Variants in SNRNP48 observed in about 807,000 individuals in gnomAD.
The protein encoded by SNRNP48 is U11/U12 small nuclear ribonucleoprotein 48 kDa protein.
A neutral mutation model predicts 47.0 loss-of-function variants in SNRNP48; 43 were observed. The ratio of observed to expected loss-of-function variants is 0.92; its 90% CI spans 0.72 to 1.18. The LOEUF (loss-of-function observed/expected upper bound fraction) is 1.18, where lower values mean the gene tolerates loss of function less well. SNRNP48 is among the 50% of genes most tolerant of loss of function. SNRNP48 has a pLI of 0.00. For missense variants in SNRNP48, 396 were observed against 422.2 expected, an observed-to-expected ratio of 0.94 and a Z score of 0.54; for synonymous variants, 138 against 144.0, an observed-to-expected ratio of 0.96 and a Z score of 0.30.
rs1465519783 is a variant in SNRNP48 at position 7,595,026 on chromosome 6, G to A, written c.332-1G>A. On this transcript the variant is annotated splice_acceptor_variant, in intron 3 of 8. Transcript: ENST00000342415. LOFTEE classifies it high-confidence loss of function. ...TTTATGGATTTTTTTTTTTTTGACA[G>A]ATAAGGACTCACAATTCCAGATAAT... The A allele has an allele frequency of 6.3e-7, 1 of 1,585,156 alleles. No homozygotes were observed. Among genetic ancestry groups the A allele is most frequent in the African/African-American group, 1.4e-5 (1 of 72,680 alleles).
At chr6:7,601,252 G>A in intron 4 of SNRNP48, 84 bp from the exon 5 acceptor site, 1 of 1,109,408 alleles carries the variant, frequency 9.0e-7, no homozygotes, top group Non-Finnish European at 1.3e-6. Context: ...CATTATTAAA[G>A]CACATGTTTA....
chr6:7,600,250 A>ATACT, intron 4 of SNRNP48: 1 of 965,812 alleles, frequency 1.0e-6, no homozygotes, highest in Non-Finnish European at 1.2e-6. Flanking sequence ...GTAGACAAGT[A>ATACT]GTACCTCTTT....
At chr6:7,605,626 G>A (rs1260586859) in intron 7 of SNRNP48, 140 bp downstream of exon 7, 3 of 770,812 alleles carry the variant, frequency 3.9e-6, no homozygotes, top group African/African-American at 1.7e-5. Context: ...GTTTTTCGTT[G>A]TCAGTGCCCA....
chr6:7,594,288 T>C (rs1759867154), intron 3 of SNRNP48, 129 bp downstream of exon 3: 2 of 442,052 alleles, frequency 4.5e-6, no homozygotes, highest in Non-Finnish European at 8.1e-6. Flanking sequence ...TAAGAGAATG[T>C]AGAATTAATT....
Position 7,590,226 on chromosome 6 carries a change from G to C in SNRNP48, c.-32G>C, listed in dbSNP as rs1346274743. 3 of 1,284,526 alleles carry C rather than the reference G, an allele frequency of 2.3e-6. No homozygotes were observed. Among genetic ancestry groups the C allele is most frequent in the Non-Finnish European group, 3.0e-6 (3 of 1,008,286 alleles). The allele number at this position is 1,284,526 out of a possible 1,614,324, so 79.6% of individuals were successfully genotyped here. ...GGCCTGCGCGTGCGGTCTGCAGTTC[G>C]GCCGCTTCCTCTTGGCGGGTGGGCT... On this transcript the variant is annotated 5_prime_UTR_variant, in exon 1 of 9. Coordinates refer to ENST00000342415, the MANE Select transcript of SNRNP48 (RefSeq NM_152551.4).
At chr6:7,603,909 C>T (rs570546361) in intron 6 of SNRNP48, among the ~76,000 whole-genome samples, 1 of 152,110 alleles carries the variant, frequency 6.6e-6, no homozygotes, top group Non-Finnish European at 1.5e-5. Context: ...GCATTCTTTA[C>T]GGTTTTATAG....
Position 7,601,410 on chromosome 6 carries a change from C to T in SNRNP48, c.481C>T (p.Arg161Cys), listed in dbSNP as rs183544051. Reference sequence around the variant, plus strand: ...TGTTTGTGATCTAACTCAAGCTGATCGTCTTGCCCTCTATGATTTCGTAGT... The same window carrying T: ...TGTTTGTGATCTAACTCAAGCTGATTGTCTTGCCCTCTATGATTTCGTAGT... ...RFVCDLTQAD[R>C]LALYDFVVEE... Residue 161 changes from arginine (R) to cysteine (C), a missense_variant, in exon 5 of 9, where the codon CGT becomes TGT. Physicochemically the swap from Arg to Cys is radical, Grantham distance 180. Transcript: ENST00000342415. The T allele has an allele frequency of 3.8e-6, 6 of 1,598,906 alleles. No individual in the cohort carries two copies. The East Asian group carries it at 1.4e-4, about 36-fold the overall frequency.
intron 4 of SNRNP48, among the ~76,000 whole-genome samples, chr6:7,597,545 T>A (rs1759924979): frequency 1.3e-5 from 2 of 152,194 alleles, no homozygotes; most frequent in African/African-American, 4.8e-5. Context: ...GGAACAGAGA[T>A]AATGGATGCT....
chr6:7,602,021 T>C (rs553885016), intron 5 of SNRNP48, among the ~76,000 whole-genome samples: 4 of 152,172 alleles, frequency 2.6e-5, no homozygotes, highest in African/African-American at 9.6e-5. Context: ...ACCTGGCTAC[T>C]TTTTGTATTT....
intron 4 of SNRNP48, among the ~76,000 whole-genome samples, chr6:7,595,591 T>A (rs545035394): frequency 6.2e-4 from 95 of 152,346 alleles, no homozygotes; most frequent in Non-Finnish European, 1.1e-3. Context: ...TAACCCCATG[T>A]AAGTCAAGGA....
intron 1 of SNRNP48, 42 bp downstream of exon 1, chr6:7,590,455 C>T: frequency 7.9e-7 from 1 of 1,268,324 alleles, no homozygotes; most frequent in Middle Eastern, 2.1e-4. Flanking sequence ...GACTATCGGC[C>T]CGGGGTCTTC....
At chr6:7,598,778 G>C (rs1192735280) in intron 4 of SNRNP48, among the ~76,000 whole-genome samples, 1 of 152,102 alleles carries the variant, frequency 6.6e-6, no homozygotes, top group Non-Finnish European at 1.5e-5. Flanking sequence ...TGTCATGTCA[G>C]GCCTAAACTC....
At chr6:7,605,518 C>G in intron 7 of SNRNP48, 32 bp downstream of exon 7, 1 of 1,569,160 alleles carries the variant, frequency 6.4e-7, no homozygotes, top group Non-Finnish European at 8.8e-7. Context: ...TGAAAATACT[C>G]TCTCTTTGAT....
chr6:7,590,525 C>G, intron 1 of SNRNP48, 112 bp downstream of exon 1: 2 of 1,171,196 alleles, frequency 1.7e-6, no homozygotes, highest in Non-Finnish European at 2.2e-6. Context: ...AGTCCTCGTC[C>G]GTGTGCAGAG....
intron 6 of SNRNP48, among the ~76,000 whole-genome samples, chr6:7,605,008 ACTCT>A (rs35999016): frequency 7.4e-5 from 11 of 148,234 alleles, no homozygotes; most frequent in South Asian, 2.1e-4. Flanking sequence ...TCTCATTGGC[ACTCT>A]CTCTCTCTCT....
intron 5 of SNRNP48, among the ~76,000 whole-genome samples, chr6:7,602,172 A>G (rs548601798): frequency 7.2e-5 from 11 of 152,266 alleles, no homozygotes; most frequent in African/African-American, 2.6e-4. Context: ...TATTGAAAGT[A>G]ATTTAGAGAT....
intron 8 of SNRNP48, 129 bp downstream of exon 8, chr6:7,606,324 T>A: frequency 1.1e-6 from 1 of 920,480 alleles, no homozygotes; most frequent in East Asian, 2.8e-5. Flanking sequence ...AGTAAACAAT[T>A]GACGATGATT....
At chr6:7,608,687 C>G (rs1395029741) in intron 8 of SNRNP48, 138 bp from the exon 9 acceptor site, 1 of 392,672 alleles carries the variant, frequency 2.5e-6, no homozygotes, top group African/African-American at 2.1e-5. Flanking sequence ...AAATGATAAC[C>G]AGAAAATTCT....
In SNRNP48 at chr6:7,609,711, GTTTCA is replaced by G. The variant is rs1197104485; in HGVS notation, c.*842_*846del. ...TTTTTTTAAAAAATAAGGTCTTAATGTTTCATTTAATTTAAAATATACTGTCATGT... is the reference window on the plus strand; with the variant it reads ...TTTTTTTAAAAAATAAGGTCTTAATGTTTAATTTAAAATATACTGTCATGT... On this transcript the variant is annotated 3_prime_UTR_variant, in exon 9 of 9. Coordinates refer to ENST00000342415, the MANE Select transcript of SNRNP48 (RefSeq NM_152551.4). The G allele has an allele frequency of 1.3e-5, 2 of 151,964 alleles. No homozygotes were observed. The highest frequency in any genetic ancestry group is 2.9e-5 in the Non-Finnish European group (2 of 67,984). 9.4% of individuals were successfully genotyped at this position (151,964 alleles called of 1,614,324 possible).
Sources: gnomAD v4.1 joint callset for allele counts (sites outside exome capture counted in the v4.1 genomes callset) on GRCh38, gnomAD v4.1.1 for gene constraint, MANE v1.5 for transcripts, NCBI Gene and HGNC (gene_info 2026-07-23, HGNC 2026-07-21) for gene names.